Variants in AZI2 observed in about 807,000 individuals in gnomAD.
AZI2 encodes the protein 5-azacytidine-induced protein 2.
In AZI2, 22 loss-of-function variants were observed where a neutral mutation model predicts 45.8. That is an observed-to-expected ratio of 0.48 (90% CI 0.34 to 0.69). The LOEUF (loss-of-function observed/expected upper bound fraction) is 0.69, where lower values mean the gene tolerates loss of function less well. Ranked by LOEUF, AZI2 falls within the 30% of genes least tolerant of loss-of-function variation. The pLI, the probability that AZI2 is intolerant of heterozygous loss-of-function variation, is 0.01. For missense variants in AZI2, 417 were observed against 441.5 expected, an observed-to-expected ratio of 0.94 and a Z score of 0.50; for synonymous variants, 137 against 156.7, an observed-to-expected ratio of 0.87 and a Z score of 0.94.
intron 5 of AZI2, among the ~76,000 whole-genome samples, 178 bp downstream of exon 5, chr3:28,336,559 T>G (rs561595867): frequency 6.6e-6 from 1 of 152,004 alleles, no homozygotes; most frequent in African/African-American, 2.4e-5. Context: ...ATATGGCATG[T>G]CAAATTTTAG....
chr3:28,331,629 A>G, intron 6 of AZI2: 1 of 1,179,120 alleles, frequency 8.5e-7, no homozygotes, highest in East Asian at 3.9e-5. Flanking sequence ...TTGGCCTGAC[A>G]CAATTCACAT....
chr3:28,344,387 C>A (rs1704144237), intron 1 of AZI2, among the ~76,000 whole-genome samples: 1 of 151,914 alleles, frequency 6.6e-6, no homozygotes, highest in Non-Finnish European at 1.5e-5. Context: ...CAATACAAGG[C>A]AGATATCCCA....
rs1318106737 is a variant in AZI2, at chr3:28,322,769, AT to A, written c.*1272del. 21 of 151,760 alleles carry A rather than the reference AT, an allele frequency of 1.4e-4. No individual in the cohort carries two copies. The highest frequency in any genetic ancestry group is 6.2e-4 in the South Asian group (3 of 4,824). 9.4% of individuals were successfully genotyped at this position (151,760 alleles called of 1,614,324 possible). ...AATAAGTGTAAGATAATAGAAAAAA[AT>A]ATCTAGTGAATGGCGAACATTGTCT... On this transcript the variant is annotated 3_prime_UTR_variant, in exon 8 of 8. Coordinates refer to ENST00000479665, the MANE Select transcript of AZI2 (RefSeq NM_022461.5).
At chr3:28,340,366 G>T (rs558790299) in intron 2 of AZI2, 36 bp downstream of exon 2, 1 of 1,346,200 alleles carries the variant, frequency 7.4e-7, no homozygotes, top group Non-Finnish European at 1.0e-6. Context: ...TATTCCTTAT[G>T]TCACAAACGC....
At chr3:28,327,588 CAGAAAT>C (rs1200346505) in intron 6 of AZI2, among the ~76,000 whole-genome samples, 1 of 150,894 alleles carries the variant, frequency 6.6e-6, no homozygotes, top group Non-Finnish European at 1.5e-5. Context: ...TTATATGAAA[CAGAAAT>C]AGAAACTTCA....
chr3:28,326,968 A>G lies in AZI2; in HGVS notation c.648-18T>C. The G allele has an allele frequency of 1.3e-6, 2 of 1,550,742 alleles. No individual in the cohort carries two copies. Among genetic ancestry groups the G allele is most frequent in the South Asian group, 1.1e-5 (1 of 88,858 alleles). ...TATTATCACTGAAATAAATTTTTTT[A>G]CAAAAAGTTAATACTCATCATTCTT... On this transcript the variant is annotated intron_variant, in intron 6 of 7. Coordinates refer to ENST00000479665, the MANE Select transcript of AZI2 (RefSeq NM_022461.5).
chr3:28,331,157 C>T (rs1703555457), intron 6 of AZI2, among the ~76,000 whole-genome samples: 1 of 151,320 alleles, frequency 6.6e-6, no homozygotes, highest in Admixed American at 6.6e-5. Flanking sequence ...CATTCTATAT[C>T]ACATGCTTCA....
rs536941282 is a variant in AZI2 at position 28,335,051 on chromosome 3, T to C, written c.588+1686A>G. 7.3e-4 allele frequency among the ~76,000 whole-genome samples: 111 copies of C among 152,154 alleles called. 3 individuals carry two copies. In the South Asian group the frequency reaches 0.02, roughly 28 times the overall value. Reference sequence around the variant, plus strand: ...GTAAAAGAGATACTGGATCAGTAAATGAAGTTGGTTTAGAAGACGTCTAAA... The same window carrying C: ...GTAAAAGAGATACTGGATCAGTAAACGAAGTTGGTTTAGAAGACGTCTAAA... On this transcript the variant is annotated intron_variant, in intron 5 of 7. Coordinates refer to ENST00000479665, the MANE Select transcript of AZI2 (RefSeq NM_022461.5).
At position 28,323,965 on chromosome 3, in the gene AZI2, G is replaced by A; in HGVS notation, c.*77C>T. ...AAATTTTAATCAAAATCTCCTTTCA[G>A]TTTGTTAAATAATTTCTTGGGAGGA... On this transcript the variant is annotated 3_prime_UTR_variant, in exon 8 of 8. Coordinates refer to ENST00000479665, the MANE Select transcript of AZI2 (RefSeq NM_022461.5). 1 of 1,457,552 alleles carries A rather than the reference G, an allele frequency of 6.9e-7. No homozygotes were observed. The highest frequency in any genetic ancestry group is 1.4e-5 in the South Asian group (1 of 73,674). The allele number at this position is 1,457,552 out of a possible 1,614,324, so 90.3% of individuals were successfully genotyped here. A position where few individuals can be genotyped will look rare whatever the true frequency, so the allele number is the denominator to read the frequency against.
At chr3:28,346,992 T>C (rs147805582) in intron 1 of AZI2, among the ~76,000 whole-genome samples, 1 of 152,332 alleles carries the variant, frequency 6.6e-6, no homozygotes, top group East Asian at 1.9e-4. Context: ...CAGTTTGTAT[T>C]GCACAGATCA....
intron 6 of AZI2, among the ~76,000 whole-genome samples, chr3:28,330,182 A>G (rs940531611): frequency 4.6e-5 from 7 of 151,168 alleles, no homozygotes; most frequent in African/African-American, 1.7e-4. Flanking sequence ...CTGGCAAGAC[A>G]TTGGTTAAAT....
At chr3:28,338,988 T>C (rs1703907810) in intron 2 of AZI2, among the ~76,000 whole-genome samples, 1 of 152,134 alleles carries the variant, frequency 6.6e-6, no homozygotes, top group African/African-American at 2.4e-5. Context: ...CTTGACTTTT[T>C]TTTTTTTTCG....
chr3:28,331,352 A>G (rs1342979310), intron 6 of AZI2, among the ~76,000 whole-genome samples: 1 of 151,534 alleles, frequency 6.6e-6, no homozygotes, highest in Non-Finnish European at 1.5e-5. Flanking sequence ...TGGATACTAT[A>G]CTAGACACAT....
chr3:28,334,886 G>A (rs1703726981), intron 5 of AZI2, among the ~76,000 whole-genome samples: 1 of 151,722 alleles, frequency 6.6e-6, no homozygotes, highest in Non-Finnish European at 1.5e-5. Context: ...TATGATAACT[G>A]GCTGTGATTA....
At chr3:28,334,398 A>G (rs761772834) in intron 5 of AZI2, among the ~76,000 whole-genome samples, 60 of 151,944 alleles carry the variant, frequency 3.9e-4, no homozygotes, top group South Asian at 1.4e-3. Context: ...GAAAGTATGC[A>G]TCAAGATTTC....
Position 28,321,673 on chromosome 3 carries a change from C to T in AZI2, c.*2369G>A, listed in dbSNP as rs1461431779. 1 of 150,638 alleles carries T rather than the reference C, an allele frequency of 6.6e-6. No individual in the cohort carries two copies. Among genetic ancestry groups the T allele is most frequent in the African/African-American group, 2.4e-5 (1 of 41,256 alleles). 9.3% of individuals were successfully genotyped at this position (150,638 alleles called of 1,614,324 possible). A position where few individuals can be genotyped will look rare whatever the true frequency, so the allele number is the denominator to read the frequency against. Reference sequence around the variant, plus strand: ...TAGCCTTTCTGAATTAAGATCAGTACTTTGTTGTCACATGATTCAGCTCTT... The same window carrying T: ...TAGCCTTTCTGAATTAAGATCAGTATTTTGTTGTCACATGATTCAGCTCTT... On this transcript the variant is annotated 3_prime_UTR_variant, in exon 8 of 8. Transcript: ENST00000479665.
At chr3:28,324,965 T>A (rs953234842) in intron 7 of AZI2, 1 of 150,848 alleles carries the variant, frequency 6.6e-6, no homozygotes, top group African/African-American at 2.4e-5. Context: ...AAAAGCAAAT[T>A]TTTTAGAAAT....
chr3:28,335,108 T>G (rs1252367447), intron 5 of AZI2, among the ~76,000 whole-genome samples: 1 of 151,974 alleles, frequency 6.6e-6, no homozygotes, highest in Non-Finnish European at 1.5e-5. Context: ...TACACTAATT[T>G]AACCTTCATG....
intron 7 of AZI2, 28 bp downstream of exon 7, chr3:28,326,804 C>A: frequency 1.3e-6 from 2 of 1,525,198 alleles, no homozygotes; most frequent in South Asian, 2.2e-5. Context: ...TGGCTGGAAT[C>A]AGTGGTTTCC....
Sources: gnomAD v4.1 joint callset for allele counts (sites outside exome capture counted in the v4.1 genomes callset) on GRCh38, gnomAD v4.1.1 for gene constraint, MANE v1.5 for transcripts, NCBI Gene and HGNC (gene_info 2026-07-23, HGNC 2026-07-21) for gene names.